Variants in ULBP1 observed in about 807,000 individuals in gnomAD.
ULBP1 encodes UL16 binding protein 1, also known as UL16-binding protein 1.
ULBP1 carries 28 observed loss-of-function variants against 25.3 expected under a neutral mutation model. That is an observed-to-expected ratio of 1.10 (90% CI 0.82 to 1.51). ULBP1 has a LOEUF of 1.51. ULBP1 is among the 40% of genes most tolerant of loss of function. ULBP1 has a pLI of 0.00. For synonymous variants in ULBP1, 129 were observed against 103.0 expected (o/e 1.25, Z -1.53); for missense variants, 348 against 290.9 (o/e 1.20, Z -1.43).
Position 149,968,865 on chromosome 6 carries a change from C to T in ULBP1, c.344C>T (p.Pro115Leu). The change falls in exon 2 of 5, where the codon CCC becomes CTC. Residue 115 changes from proline (P) to leucine (L), a missense_variant. Coordinates refer to ENST00000229708, the MANE Select transcript of ULBP1 (RefSeq NM_025218.4). Reference sequence around the variant, plus strand: ...GACATTCAAGTGGAGAATTTAATACCCATTGGTAAGTTTAAAATGGCCCAG... The same window carrying T: ...GACATTCAAGTGGAGAATTTAATACTCATTGGTAAGTTTAAAATGGCCCAG... Reference protein sequence around the residue: ...LLDIQVENLIPIEPLTLQARM... With the variant: ...LLDIQVENLILIEPLTLQARM... 1.9e-6 allele frequency: 3 copies of T among 1,613,326 alleles called. No individual in the cohort carries two copies. Among genetic ancestry groups the T allele is most frequent in the Non-Finnish European group, 2.5e-6 (3 of 1,179,596 alleles).
intron 4 of ULBP1, 122 bp downstream of exon 4, chr6:149,970,269 T>C: frequency 7.5e-7 from 1 of 1,325,816 alleles, no homozygotes. Flanking sequence ...GACAGATGAA[T>C]GAGACCTGCT....
chr6:149,970,512 A>G (rs1779295413), intron 4 of ULBP1, among the ~76,000 whole-genome samples: 1 of 152,204 alleles, frequency 6.6e-6, no homozygotes. Context: ...GAGGAGTAGC[A>G]TGGCCACTTC....
chr6:149,970,163 T>C lies in ULBP1; in HGVS notation c.*22+16T>C. 1 of 1,566,576 alleles carries C rather than the reference T, an allele frequency of 6.4e-7. No individual in the cohort carries two copies. The highest frequency in any genetic ancestry group is 8.7e-7 in the Non-Finnish European group (1 of 1,154,762). On this transcript the variant is annotated intron_variant, in intron 4 of 4. Coordinates refer to ENST00000229708, the MANE Select transcript of ULBP1 (RefSeq NM_025218.4). Reference sequence around the variant, plus strand: ...AGAGTGACAGGTACTGTGGGCAATATTGGGAGGGGAGCAAGAGGCAGATGG... The same window carrying C: ...AGAGTGACAGGTACTGTGGGCAATACTGGGAGGGGAGCAAGAGGCAGATGG...
Position 149,972,731 on chromosome 6 carries a change from T to C in ULBP1, c.*1385T>C, listed in dbSNP as rs1357639323. On this transcript the variant is annotated 3_prime_UTR_variant, in exon 5 of 5. Transcript: ENST00000229708. ...ACACTTTTCAAAAGAAGACCTACAATTGGCCAACAAACATGAAAAAATGCT... is the reference window on the plus strand; with the variant it reads ...ACACTTTTCAAAAGAAGACCTACAACTGGCCAACAAACATGAAAAAATGCT... The C allele has an allele frequency of 2.0e-5, 3 of 150,782 alleles. No homozygotes were observed. The highest frequency in any genetic ancestry group is 1.5e-5 in the Non-Finnish European group (1 of 67,574). 9.3% of individuals were successfully genotyped at this position (150,782 alleles called of 1,614,324 possible). A position where few individuals can be genotyped will look rare whatever the true frequency, so the allele number is the denominator to read the frequency against.
intron 1 of ULBP1, among the ~76,000 whole-genome samples, chr6:149,968,109 A>T (rs1336731236): frequency 2.0e-5 from 3 of 152,180 alleles, no homozygotes; most frequent in Non-Finnish European, 4.4e-5. Flanking sequence ...GCAGATGGGC[A>T]TCTTCACTGG....
chr6:149,968,514 G>A lies in ULBP1; in HGVS notation c.86-93G>A. Reference sequence around the variant, plus strand: ...CTTGGTCTGCCAGCCCAGCCCCTCAGAGGCCTTCACTTGCAGTCACCATAA... The same window carrying A: ...CTTGGTCTGCCAGCCCAGCCCCTCAAAGGCCTTCACTTGCAGTCACCATAA... On this transcript the variant is annotated intron_variant, in intron 1 of 4. Transcript: ENST00000229708. 4 of 1,503,432 alleles carry A rather than the reference G, an allele frequency of 2.7e-6. No individual in the cohort carries two copies. In the African/African-American group the frequency reaches 5.6e-5, roughly 21 times the overall value. The allele number at this position is 1,503,432 out of a possible 1,614,324, so 93.1% of individuals were successfully genotyped here.
In ULBP1 at chr6:149,970,133, T is replaced by G; in HGVS notation, c.*8T>G. 6.3e-7 allele frequency: 1 copy of G among 1,596,586 alleles called. No homozygotes were observed. ...ATTCTAGCTGGCAGATGAGGAGAGT[T>G]GTTTAGAGTGACAGGTACTGTGGGC... is the stretch of plus-strand genomic sequence containing the variant. On this transcript the variant is annotated 3_prime_UTR_variant, in exon 4 of 5. Transcript: ENST00000229708.
In ULBP1 at chr6:149,968,844, T is replaced by G. The variant is rs1779253832; in HGVS notation, c.323T>G (p.Ile108Ser). The stretch of plus-strand genomic sequence containing the variant: ...TTCCTTAAAGGGCAACTGCTTGACA[T>G]TCAAGTGGAGAATTTAATACCCATT... Reference protein sequence around the residue: ...VDFLKGQLLDIQVENLIPIEP... With the variant: ...VDFLKGQLLDSQVENLIPIEP... Residue 108 changes from isoleucine to serine, a missense_variant, in exon 2 of 5, where the codon ATT becomes AGT. Transcript: ENST00000229708. 6.2e-7 allele frequency: 1 copy of G among 1,614,032 alleles called. No individual in the cohort carries two copies. The highest frequency in any genetic ancestry group is 1.1e-5 in the South Asian group (1 of 91,090).
chr6:149,968,803 AAG>A lies in ULBP1; in HGVS notation c.286_287del (p.Asp96ArgfsTer6). 1 of 1,614,252 alleles carries A rather than the reference AAG, an allele frequency of 6.2e-7. No homozygotes were observed. Among genetic ancestry groups the A allele is most frequent in the Non-Finnish European group, 8.5e-7 (1 of 1,180,050 alleles). ...KTWEEQTETL[R>X]DVVDFLKGQL... Reference sequence around the variant, plus strand: ...CCTGGGAAGAACAAACTGAAACACTAAGAGACGTGGTGGATTTCCTTAAAGGG... The same window carrying A: ...CCTGGGAAGAACAAACTGAAACACTAAGACGTGGTGGATTTCCTTAAAGGG... On this transcript the variant is annotated frameshift_variant, in exon 2 of 5. Transcript: ENST00000229708. LOFTEE classifies it high-confidence loss of function.
At chr6:149,969,475 TGGG>T in intron 3 of ULBP1, 115 bp downstream of exon 3, 1 of 1,425,280 alleles carries the variant, frequency 7.0e-7, no homozygotes, top group African/African-American at 1.4e-5. Flanking sequence ...GACCCCCTCA[TGGG>T]GGGCTCCTCC....
chr6:149,963,947 C>A lies in ULBP1; in HGVS notation c.-103C>A, dbSNP rs573842020. ...ATGCCTAGGATCCCGCCCAGTGTAT[C>A]CCTGCGCGCGGCGGGCCGGGCTGGG... is the stretch of plus-strand genomic sequence containing the variant. On this transcript the variant is annotated 5_prime_UTR_variant, in exon 1 of 5. Transcript: ENST00000229708. 4.9e-4 allele frequency: 570 copies of A among 1,163,178 alleles called. No homozygotes were observed. The highest frequency in any genetic ancestry group is 6.6e-4 in the Non-Finnish European group (534 of 806,352). 72.1% of individuals were successfully genotyped at this position (1,163,178 alleles called of 1,614,324 possible). A position where few individuals can be genotyped will look rare whatever the true frequency, so the allele number is the denominator to read the frequency against.
rs1195535664 is a variant in ULBP1, at chr6:149,964,012, C to T, written c.-38C>T. The stretch of plus-strand genomic sequence containing the variant: ...GCCGTGGTGTGAGCCTCGAAGGGAA[C>T]CATCAGCGCCTCCTGTCCACGGAGC... On this transcript the variant is annotated 5_prime_UTR_variant, in exon 1 of 5. Transcript: ENST00000229708. 2 of 1,607,712 alleles carry T rather than the reference C, an allele frequency of 1.2e-6. No individual in the cohort carries two copies. Among genetic ancestry groups the T allele is most frequent in the African/African-American group, 1.3e-5 (1 of 74,500 alleles).
At chr6:149,964,644 A>T (rs911410043) in intron 1 of ULBP1, among the ~76,000 whole-genome samples, 3 of 114,318 alleles carry the variant, frequency 2.6e-5, no homozygotes, top group Non-Finnish European at 5.4e-5. Context: ...GATCTCGCCG[A>T]ACATGCCCGG....
intron 2 of ULBP1, 105 bp downstream of exon 2, chr6:149,968,975 G>C (rs919272087): frequency 1.3e-6 from 2 of 1,555,732 alleles, no homozygotes; most frequent in African/African-American, 1.4e-5. Flanking sequence ...AAGAGGTTGA[G>C]GAGCATGGGC....
At chr6:149,967,914 C>A (rs1296449447) in intron 1 of ULBP1, among the ~76,000 whole-genome samples, 1 of 152,104 alleles carries the variant, frequency 6.6e-6, no homozygotes, top group African/African-American at 2.4e-5. Flanking sequence ...CAAGAGTCCT[C>A]CAGTCATCCC....
chr6:149,969,908 GA>G, intron 3 of ULBP1, 107 bp from the exon 4 acceptor site: 1 of 1,443,924 alleles, frequency 6.9e-7, no homozygotes, highest in South Asian at 1.4e-5. Context: ...AGCAGAGGGG[GA>G]CAAAAGGTCT....
chr6:149,965,471 A>G (rs1323539523), intron 1 of ULBP1, among the ~76,000 whole-genome samples: 1 of 152,216 alleles, frequency 6.6e-6, no homozygotes, highest in Non-Finnish European at 1.5e-5. Flanking sequence ...CCAAAAGGCT[A>G]CAGAGGGCAA....
At position 149,964,033 on chromosome 6, in the gene ULBP1, G is replaced by A; in HGVS notation, c.-17G>A. On this transcript the variant is annotated 5_prime_UTR_variant, in exon 1 of 5. Coordinates refer to ENST00000229708, the MANE Select transcript of ULBP1 (RefSeq NM_025218.4). ...GGAACCATCAGCGCCTCCTGTCCAC[G>A]GAGCTCCAGGTCTACAATGGCAGCG... The A allele has an allele frequency of 1.9e-6, 3 of 1,613,532 alleles. No individual in the cohort carries two copies. Among genetic ancestry groups the A allele is most frequent in the Non-Finnish European group, 2.5e-6 (3 of 1,179,852 alleles).
chr6:149,971,165 C>T (rs1291520436), intron 4 of ULBP1, among the ~76,000 whole-genome samples: 2 of 152,162 alleles, frequency 1.3e-5, no homozygotes, highest in Non-Finnish European at 2.9e-5. Context: ...TGGGCTGTAA[C>T]AGGACCTGGG....
Sources: gnomAD v4.1 joint callset for allele counts (sites outside exome capture counted in the v4.1 genomes callset) on GRCh38, gnomAD v4.1.1 for gene constraint, MANE v1.5 for transcripts, NCBI Gene and HGNC (gene_info 2026-07-23, HGNC 2026-07-21) for gene names.